Variants in CHN2 observed in about 807,000 individuals in gnomAD.
The protein encoded by CHN2 is beta-chimaerin.
CHN2 carries 35 observed loss-of-function variants against 56.3 expected under a neutral mutation model. That is an observed-to-expected ratio of 0.62 (90% CI 0.47 to 0.82). The LOEUF (loss-of-function observed/expected upper bound fraction) is 0.82. Ranked by LOEUF, CHN2 falls within the 40% of genes least tolerant of loss-of-function variation. CHN2 has a pLI of 0.00. For synonymous variants in CHN2, 210 were observed against 212.8 expected, an observed-to-expected ratio of 0.99 and a Z score of 0.12; for missense variants, 491 against 580.5, an observed-to-expected ratio of 0.85 and a Z score of 1.58.
At chr7:29,239,989 T>A (rs1787526229) in intron 1 of CHN2, among the ~76,000 whole-genome samples, 1 of 152,158 alleles carries the variant, frequency 6.6e-6, no homozygotes, top group Admixed American at 6.5e-5. Context: ...ACTCAAACAT[T>A]TTTTCAAGAC....
chr7:29,502,751 TTA>T lies in CHN2; in HGVS notation c.914-1992_914-1991del, dbSNP rs1363719155. On this transcript the variant is annotated intron_variant, in intron 9 of 12. Transcript: ENST00000222792. ...TTATATAAGGCATAGATTTTTTTTT[TTA>T]AAAGTGACGGGATACATGTGCAGAA... Among the ~76,000 whole-genome samples the T allele has an allele frequency of 3.4e-5, 5 of 147,596 alleles. No homozygotes were observed. In the East Asian group the frequency reaches 5.8e-4, roughly 17 times the overall value.
intron 12 of CHN2, 135 bp from the exon 13 acceptor site, chr7:29,512,429 T>G: frequency 1.4e-6 from 1 of 726,346 alleles, no homozygotes; most frequent in Non-Finnish European, 2.1e-6. Flanking sequence ...AATACCTTTC[T>G]GCTGTTCTGA....
At chr7:29,171,863 A>ATAGTTCT (rs1312737755) in intron 2 of CHN2, among the ~76,000 whole-genome samples, 2 of 152,236 alleles carry the variant, frequency 1.3e-5, no homozygotes, top group African/African-American at 4.8e-5. Context: ...GCCGTCACAT[A>ATAGTTCT]TAGTTCTTAC....
At chr7:29,257,687 T>C (rs1162522479) in intron 1 of CHN2, among the ~76,000 whole-genome samples, 1 of 152,254 alleles carries the variant, frequency 6.6e-6, no homozygotes, top group Non-Finnish European at 1.5e-5. Context: ...TCAGGCCTTC[T>C]GTCCTTCCTC....
chr7:29,303,014 G>T (rs1466145759), intron 1 of CHN2, among the ~76,000 whole-genome samples: 1 of 152,066 alleles, frequency 6.6e-6, no homozygotes, highest in Non-Finnish European at 1.5e-5. Context: ...GACAGATCCC[G>T]GTCCCGCCCA....
At chr7:29,507,050 C>G (rs1403628247) in intron 10 of CHN2, among the ~76,000 whole-genome samples, 178 bp from the exon 11 acceptor site, 8 of 152,212 alleles carry the variant, frequency 5.3e-5, no homozygotes, top group African/African-American at 1.9e-4. Context: ...GACCCTACCT[C>G]CCTCTCACCA....
At chr7:29,417,165 TGACCCCGCAG>T (rs1452352061) in intron 6 of CHN2, among the ~76,000 whole-genome samples, 1 of 152,188 alleles carries the variant, frequency 6.6e-6, no homozygotes, top group East Asian at 1.9e-4. Context: ...CTCAGTTCTG[TGACCCCGCAG>T]GACTTGCTGC....
intron 1 of CHN2, among the ~76,000 whole-genome samples, chr7:29,323,231 C>T (rs1020078965): frequency 3.4e-5 from 5 of 147,994 alleles, no homozygotes; most frequent in African/African-American, 1.2e-4. Flanking sequence ...CCTTGGACTT[C>T]GCAGAGCACA....
upstream of CHN2, chr7:29,192,042 A>C (rs1782954319): frequency 6.6e-6 from 1 of 152,256 alleles, no homozygotes; most frequent in Admixed American, 6.5e-5. Context: ...ATGATCAATC[A>C]ACTTTCAGAT....
chr7:29,264,965 G>T (rs780858406), intron 1 of CHN2, among the ~76,000 whole-genome samples: 3 of 151,690 alleles, frequency 2.0e-5, no homozygotes, highest in Non-Finnish European at 4.4e-5. Flanking sequence ...AATCTATTGG[G>T]AAATGATCTC....
chr7:29,476,396 G>A (rs1786587175), intron 6 of CHN2, among the ~76,000 whole-genome samples: 1 of 151,836 alleles, frequency 6.6e-6, no homozygotes, highest in Admixed American at 6.6e-5. Flanking sequence ...AATTTGCCAG[G>A]CACAGTGGCA....
chr7:29,196,119 T>C (rs1480270694), intron 1 of CHN2, among the ~76,000 whole-genome samples: 1 of 152,210 alleles, frequency 6.6e-6, no homozygotes, highest in Admixed American at 6.5e-5. Context: ...AACACCTTTT[T>C]GGAGGCATTG....
chr7:29,338,438 A>G (rs1035659353), intron 1 of CHN2, among the ~76,000 whole-genome samples: 2 of 152,230 alleles, frequency 1.3e-5, no homozygotes, highest in African/African-American at 4.8e-5. Context: ...GATCCGGACA[A>G]TGCTAGATTT....
At chr7:29,466,799 A>T (rs890408010) in intron 6 of CHN2, among the ~76,000 whole-genome samples, 2 of 152,198 alleles carry the variant, frequency 1.3e-5, no homozygotes, top group Non-Finnish European at 2.9e-5. Flanking sequence ...TCCCTAAGGG[A>T]AACATTTTCT....
chr7:29,339,834 C>T (rs1796905979), intron 1 of CHN2, among the ~76,000 whole-genome samples: 2 of 149,752 alleles, frequency 1.3e-5, no homozygotes, highest in African/African-American at 5.0e-5. Context: ...GCCTGGGTGA[C>T]AAGAATGAAA....
In CHN2 at chr7:29,398,456, G is replaced by A. The variant is rs1454857779; in HGVS notation, c.260G>A (p.Arg87Gln). ...EGAYILRESQ[R>Q]QPGCYTLALR... Reference sequence around the variant, plus strand: ...GCCTACATCCTTAGAGAAAGCCAGCGGCAACCAGGATGCTACACGCTGGCT... The same window carrying A: ...GCCTACATCCTTAGAGAAAGCCAGCAGCAACCAGGATGCTACACGCTGGCT... The change falls in exon 5 of 13, where the codon CGG (arginine) becomes CAG (glutamine). Residue 87 changes from arginine to glutamine, a missense_variant. Transcript: ENST00000222792. 13 of 1,613,146 alleles carry A rather than the reference G, an allele frequency of 8.1e-6. No homozygotes were observed. The highest frequency in any genetic ancestry group is 1.6e-4 in the Middle Eastern group (1 of 6,080).
At chr7:29,349,672 A>G (rs1797727488) in intron 1 of CHN2, among the ~76,000 whole-genome samples, 1 of 152,226 alleles carries the variant, frequency 6.6e-6, no homozygotes, top group Admixed American at 6.5e-5. Context: ...CTGAGTCAAA[A>G]GGTTGACGCA....
chr7:29,504,682 C>CT (rs200507124), intron 9 of CHN2, 62 bp from the exon 10 acceptor site: 168,214 of 868,746 alleles, frequency 0.19, 3,194 homozygotes, highest in Non-Finnish European at 0.21. Flanking sequence ...TGAAATTAGT[C>CT]TTTTTTTTTT....
intron 6 of CHN2, among the ~76,000 whole-genome samples, chr7:29,411,056 C>G (rs1414182281): frequency 6.6e-6 from 1 of 152,182 alleles, no homozygotes; most frequent in Non-Finnish European, 1.5e-5. Flanking sequence ...ATTTCTCTAT[C>G]TCCAAACACC....
Sources: gnomAD v4.1 joint callset for allele counts (sites outside exome capture counted in the v4.1 genomes callset) on GRCh38, gnomAD v4.1.1 for gene constraint, MANE v1.5 for transcripts, NCBI Gene and HGNC (gene_info 2026-07-23, HGNC 2026-07-21) for gene names.